ZFP14: variants seen among roughly 807,000 people sequenced by gnomAD.
The protein encoded by ZFP14 is ZFP14 zinc finger protein.
ZFP14 carries 22 observed loss-of-function variants against 54.5 expected under a neutral mutation model. The ratio of observed to expected loss-of-function variants is 0.40; its 90% CI spans 0.29 to 0.58. The LOEUF is 0.58. Ranked by LOEUF, ZFP14 falls within the 20% of genes least tolerant of loss-of-function variation. ZFP14 has a pLI of 0.39. For synonymous variants in ZFP14, 159 were observed against 204.0 expected, an observed-to-expected ratio of 0.78 and a Z score of 1.88; for missense variants, 470 against 637.8, an observed-to-expected ratio of 0.74 and a Z score of 2.83.
At chr19:36,363,189 CTT>C (rs772799449) in intron 2 of ZFP14, among the ~76,000 whole-genome samples, 45 of 97,738 alleles carry the variant, frequency 4.6e-4, no homozygotes, top group Non-Finnish European at 7.9e-4. Flanking sequence ...CTTTTCTTTT[CTT>C]TTTTTTTTTT....
rs951441688 is a variant in ZFP14 at position 36,352,976 on chromosome 19, C to T, written c.235+7459G>A. Among the ~76,000 whole-genome samples the T allele has an allele frequency of 1.5e-4, 21 of 139,316 alleles. 3 individuals are homozygous for T. The highest frequency in any genetic ancestry group is 5.9e-4 in the Admixed American group (8 of 13,452). 91.4% of individuals were successfully genotyped at this position (139,316 alleles called of 152,430 possible). ...AAAAAATTAGCCATGTGTGGTGGTG[C>T]GCACCTGTAGTCCCAACTACTCAGG... is the stretch of plus-strand genomic sequence containing the variant. On this transcript the variant is annotated intron_variant, in intron 4 of 4. Coordinates refer to ENST00000270001, the MANE Select transcript of ZFP14 (RefSeq NM_020917.3).
intron 2 of ZFP14, among the ~76,000 whole-genome samples, chr19:36,363,073 ACTAT>A (rs2031733884): frequency 1.3e-5 from 2 of 152,036 alleles, no homozygotes; most frequent in Admixed American, 6.6e-5. Flanking sequence ...CTTGCTTGTC[ACTAT>A]CTATCATCTC....
chr19:36,344,493 C>A (rs1376279344), intron 4 of ZFP14, among the ~76,000 whole-genome samples: 2 of 152,102 alleles, frequency 1.3e-5, no homozygotes, highest in African/African-American at 4.8e-5. Flanking sequence ...ATAGATATTA[C>A]CAGTTTAATT....
At chr19:36,374,114 G>A (rs1322474113) in intron 1 of ZFP14, among the ~76,000 whole-genome samples, 2 of 152,162 alleles carry the variant, frequency 1.3e-5, no homozygotes, top group South Asian at 4.1e-4. Context: ...TTAGAGCTAT[G>A]TGAAGCAGCA....
intron 1 of ZFP14, chr19:36,378,872 G>GT (rs1307650316): frequency 3.3e-5 from 5 of 152,302 alleles, no homozygotes; most frequent in Non-Finnish European, 7.3e-5. Flanking sequence ...GTTCCCCGCA[G>GT]TTTCCATGGG....
At position 36,341,069 on chromosome 19, in the gene ZFP14, C is replaced by T; in HGVS notation, c.757G>A (p.Glu253Lys). 6.2e-7 allele frequency: 1 copy of T among 1,614,006 alleles called. No homozygotes were observed. The highest frequency in any genetic ancestry group is 8.5e-7 in the Non-Finnish European group (1 of 1,179,960). ...LTQHQRLHTG[E>K]KPYECKECGK... ...CATTCCTTACATTCATAGGGTTTTT[C>T]ACCCGTATGAAGTCTCTGATGTTGA... The change falls in exon 5 of 5, where the codon GAA becomes AAA. Residue 253 changes from glutamate (E) to lysine (K), a missense_variant. Glu to Lys is a moderately conservative substitution (Grantham distance 56, BLOSUM62 1). Transcript: ENST00000270001. This position sits in a 1 kb window ranked among gnomAD's most constrained non-coding sequence, Gnocchi z 4.2.
chr19:36,370,715 C>T (rs1382988026), intron 1 of ZFP14, among the ~76,000 whole-genome samples: 2 of 152,230 alleles, frequency 1.3e-5, no homozygotes, highest in Non-Finnish European at 2.9e-5. Context: ...CTATACCCAC[C>T]GTAGCAGCCC....
intron 2 of ZFP14, among the ~76,000 whole-genome samples, chr19:36,364,079 TG>T (rs1393346215): frequency 6.6e-6 from 1 of 152,184 alleles, no homozygotes; most frequent in Non-Finnish European, 1.5e-5. Flanking sequence ...ACCTCGTTCC[TG>T]GCATTCTTCT....
At chr19:36,364,501 C>A (rs1230540744) in intron 2 of ZFP14, among the ~76,000 whole-genome samples, 2 of 152,116 alleles carry the variant, frequency 1.3e-5, no homozygotes, top group South Asian at 4.1e-4. Flanking sequence ...CATAGGAGAA[C>A]TAGCTGGGTA....
At position 36,341,048 on chromosome 19, in the gene ZFP14, C is replaced by G. The variant is rs75480801; in HGVS notation, c.778G>C (p.Glu260Gln). Residue 260 changes from glutamate to glutamine, a missense_variant, in exon 5 of 5, where the codon GAA (glutamate) becomes CAA (glutamine). By Grantham distance (29) the Glu-to-Gln change is conservative. Coordinates refer to ENST00000270001, the MANE Select transcript of ZFP14 (RefSeq NM_020917.3). This position sits in a 1 kb window ranked among gnomAD's most constrained non-coding sequence, Gnocchi z 4.2. ...TGTACTCTAAAGGCCTTTCCACATT[C>G]CTTACATTCATAGGGTTTTTCACCC... ...HTGEKPYECK[E>Q]CGKAFRVHQQ... is the part of the protein sequence containing the mutation. The G allele has an allele frequency of 4.3e-3, 6,995 of 1,614,032 alleles. 269 individuals carry two copies. In the African/African-American group the frequency reaches 0.082, roughly 19 times the overall value.
chr19:36,361,312 T>C (rs1201033790), intron 3 of ZFP14, among the ~76,000 whole-genome samples: 1 of 152,170 alleles, frequency 6.6e-6, no homozygotes, highest in Non-Finnish European at 1.5e-5. Flanking sequence ...CGATCTCAAC[T>C]CACTGCAACC....
In ZFP14 at chr19:36,377,019, A is replaced by T. The variant is rs180867431; in HGVS notation, c.-80+2144T>A. ...AACACTCATGCTGTCAAAAACTTCA[A>T]GCCACTTTCCAAATTTCTACTGTCT... On this transcript the variant is annotated intron_variant, in intron 1 of 4. Transcript: ENST00000270001. 1.2e-3 allele frequency among the ~76,000 whole-genome samples: 186 copies of T among 152,270 alleles called. 2 individuals carry two copies. The highest frequency in any genetic ancestry group is 4.3e-3 in the African/African-American group (180 of 41,546).
chr19:36,377,672 CA>C (rs935335944), intron 1 of ZFP14, among the ~76,000 whole-genome samples: 1 of 152,032 alleles, frequency 6.6e-6, no homozygotes, highest in African/African-American at 2.4e-5. Flanking sequence ...AAATTACTGC[CA>C]AATGCTCATG....
rs1396440940 is a variant in ZFP14 at position 36,341,647 on chromosome 19, C to A, written c.236-57G>T. ...GTTTTCCTGTTCCAGAAAGAAAAAACAAACAAACAAAAAAACCACTTCTAT... is the reference window on the plus strand; with the variant it reads ...GTTTTCCTGTTCCAGAAAGAAAAAAAAAACAAACAAAAAAACCACTTCTAT... On this transcript the variant is annotated intron_variant, in intron 4 of 4. Coordinates refer to ENST00000270001, the MANE Select transcript of ZFP14 (RefSeq NM_020917.3). This position sits in a 1 kb window ranked among gnomAD's most constrained non-coding sequence, Gnocchi z 4.2. 1 of 1,474,448 alleles carries A rather than the reference C, an allele frequency of 6.8e-7. No individual in the cohort carries two copies. Among genetic ancestry groups the A allele is most frequent in the Non-Finnish European group, 9.0e-7 (1 of 1,115,790 alleles). The allele number at this position is 1,474,448 out of a possible 1,614,324, so 91.3% of individuals were successfully genotyped here.
Position 36,362,137 on chromosome 19 carries a change from C to T in ZFP14, c.111G>A (p.Glu37=). The T allele has an allele frequency of 6.2e-7, 1 of 1,604,790 alleles. No homozygotes were observed. The highest frequency in any genetic ancestry group is 8.5e-7 in the Non-Finnish European group (1 of 1,176,660). The part of the protein sequence containing the change: ...QRDLYRDVMW[E]NYSNFISLGP... The stretch of plus-strand genomic sequence containing the variant: ...CTAGTGAAATGAAGTTGCTGTAGTT[C>T]TCCCACATTACATCCCTATATAAGT... Residue 37 remains glutamate, a synonymous_variant, in exon 3 of 5, where the codon GAG becomes GAA. Transcript: ENST00000270001.
intron 3 of ZFP14, 87 bp downstream of exon 3, chr19:36,362,025 A>G (rs111250451): frequency 1.4e-5 from 21 of 1,450,586 alleles, no homozygotes; most frequent in African/African-American, 1.3e-4. Context: ...CTTTGAGAAT[A>G]GAAAGTAGTT....
rs2031224892 is a variant in ZFP14, at chr19:36,337,453, C to G, written c.*2771G>C. ...TAAAAATAATGCAAATTGAAAAATA[C>G]AGTATAACAACTATTTACATAGTAT... On this transcript the variant is annotated 3_prime_UTR_variant, in exon 5 of 5. Coordinates refer to ENST00000270001, the MANE Select transcript of ZFP14 (RefSeq NM_020917.3). 6.6e-6 allele frequency: 1 copy of G among 151,558 alleles called. No homozygotes were observed. The highest frequency in any genetic ancestry group is 1.5e-5 in the Non-Finnish European group (1 of 67,958). 9.4% of individuals were successfully genotyped at this position (151,558 alleles called of 1,614,324 possible).
At chr19:36,365,959 CA>C (rs57704508) in intron 2 of ZFP14, among the ~76,000 whole-genome samples, 266 of 136,674 alleles carry the variant, frequency 1.9e-3, no homozygotes, top group Non-Finnish European at 1.7e-3. Flanking sequence ...GACCTTCTGT[CA>C]AAAAAAAAAA....
chr19:36,362,668 G>A (rs1446960223), intron 2 of ZFP14, among the ~76,000 whole-genome samples: 1 of 151,852 alleles, frequency 6.6e-6, no homozygotes, highest in African/African-American at 2.4e-5. Context: ...GAGCCCGTAA[G>A]TTCAAGACCA....
Sources: gnomAD v4.1 joint callset for allele counts (sites outside exome capture counted in the v4.1 genomes callset) on GRCh38, gnomAD v4.1.1 for gene constraint, Gnocchi (gnomAD v3.1) non-coding constraint, MANE v1.5 for transcripts, NCBI Gene and HGNC (gene_info 2026-07-23, HGNC 2026-07-21) for gene names.